The following PPP1R2 variants were observed in gnomAD, a reference collection of about 807,000 sequenced individuals.
PPP1R2 encodes the protein protein phosphatase 1 regulatory inhibitor subunit 2.
A neutral mutation model predicts 29.9 loss-of-function variants in PPP1R2; 16 were observed. That is an observed-to-expected ratio of 0.53 (90% confidence interval 0.36 to 0.81). PPP1R2 has a LOEUF of 0.81. Ranked by LOEUF, PPP1R2 falls within the 30% of genes least tolerant of loss-of-function variation. The probability of loss-of-function intolerance (pLI) is 0.00; values close to 1 mark genes in which losing one functional copy is unlikely to be tolerated. For synonymous variants in PPP1R2, 76 were observed against 91.5 expected (o/e 0.83, Z 0.96); for missense variants, 197 against 252.7 (o/e 0.78, Z 1.49).
At chr3:195,518,693 AT>A (rs1718643693) in intron 5 of PPP1R2, among the ~76,000 whole-genome samples, 1 of 152,156 alleles carries the variant, frequency 6.6e-6, no homozygotes, top group Admixed American at 6.5e-5. Flanking sequence ...TAAATTTTAG[AT>A]CGTTATGACA....
intron 1 of PPP1R2, among the ~76,000 whole-genome samples, chr3:195,542,205 T>C (rs371675509): frequency 1.6e-4 from 25 of 152,322 alleles, no homozygotes; most frequent in African/African-American, 5.3e-4. Context: ...CCGTAATTAA[T>C]ATTTCACCAG....
intron 1 of PPP1R2, among the ~76,000 whole-genome samples, chr3:195,534,085 C>T (rs985651252): frequency 6.6e-6 from 1 of 152,138 alleles, no homozygotes; most frequent in Non-Finnish European, 1.5e-5. Context: ...GAGGCTGAGG[C>T]AGGAGGATCT....
intron 1 of PPP1R2, among the ~76,000 whole-genome samples, chr3:195,532,075 G>A (rs1458698231): frequency 1.3e-5 from 2 of 152,034 alleles, no homozygotes; most frequent in Non-Finnish European, 1.5e-5. Flanking sequence ...TGTCACCCCA[G>A]GCTAGAGTAA....
Position 195,515,656 on chromosome 3 carries a change from G to A in PPP1R2, c.*1240C>T, listed in dbSNP as rs919229806. The stretch of plus-strand genomic sequence containing the variant: ...ACATTATCGTAGTCCCTTAAAGCAG[G>A]GACTATTTAACAATGTCCAGGCTTA... On this transcript the variant is annotated 3_prime_UTR_variant, in exon 6 of 6. Transcript: ENST00000618156. The A allele has an allele frequency of 2.6e-5, 4 of 151,838 alleles. No individual in the cohort carries two copies. The highest frequency in any genetic ancestry group is 9.7e-5 in the African/African-American group (4 of 41,332). The allele number at this position is 151,838 out of a possible 1,614,324, so 9.4% of individuals were successfully genotyped here. A position where few individuals can be genotyped will look rare whatever the true frequency, so the allele number is the denominator to read the frequency against.
At position 195,523,776 on chromosome 3, in the gene PPP1R2, C is replaced by G. The variant is rs371122086; in HGVS notation, c.319G>C (p.Ala107Pro). The change falls in exon 4 of 6, where the codon GCT becomes CCT. Residue 107 changes from alanine (A) to proline (P), a missense_variant. By Grantham distance (27) the Ala-to-Pro change is conservative (BLOSUM62 -1). Transcript: ENST00000618156. Reference sequence around the variant, plus strand: ...CGATACTTTGGCTCCAAGCCTTCAGCTGCAGCTAATCTATGCAACAATCAT... The same window carrying G: ...CGATACTTTGGCTCCAAGCCTTCAGGTGCAGCTAATCTATGCAACAATCAT... ...PDILARKLAA[A>P]EGLEPKYRIQ... The G allele has an allele frequency of 4.3e-6, 7 of 1,613,808 alleles. No individual in the cohort carries two copies. The African/African-American group carries it at 8.0e-5, about 18-fold the overall frequency.
intron 1 of PPP1R2, among the ~76,000 whole-genome samples, chr3:195,536,579 A>C (rs966890939): frequency 6.6e-6 from 1 of 152,082 alleles, no homozygotes; most frequent in African/African-American, 2.4e-5. Context: ...ACCTGAAGTC[A>C]GGAGTTCAAG....
At chr3:195,538,812 C>T (rs1266809271) in intron 1 of PPP1R2, among the ~76,000 whole-genome samples, 1 of 152,134 alleles carries the variant, frequency 6.6e-6, no homozygotes, top group Non-Finnish European at 1.5e-5. Context: ...GGGTAAGGCA[C>T]TGGGTTAAGC....
At chr3:195,522,434 G>C (rs79844829) in intron 4 of PPP1R2, among the ~76,000 whole-genome samples, 1 of 152,100 alleles carries the variant, frequency 6.6e-6, no homozygotes, top group Non-Finnish European at 1.5e-5. Flanking sequence ...TTAGTCAAAT[G>C]GCTCCCCCTG....
chr3:195,528,663 CTT>C (rs914161384), intron 2 of PPP1R2: 2 of 74,486 alleles, frequency 2.7e-5, no homozygotes, highest in Non-Finnish European at 5.4e-5. Flanking sequence ...TCTTGGAAAT[CTT>C]TTATTTTTTT....
In PPP1R2 at chr3:195,522,613, T is replaced by C. The variant is rs928292587; in HGVS notation, c.403+1079A>G. Among the ~76,000 whole-genome samples the C allele has an allele frequency of 3.4e-4, 52 of 152,210 alleles. 3 individuals carry two copies. The highest frequency in any genetic ancestry group is 1.5e-5 in the Non-Finnish European group (1 of 68,034). On this transcript the variant is annotated intron_variant, in intron 4 of 5. Coordinates refer to ENST00000618156, the MANE Select transcript of PPP1R2 (RefSeq NM_006241.8). ...CTTTTCAAGGATCTTTTGGGGTATA[T>C]TTTGGGAAAATAAATGGAAAGTCAC...
rs1719671181 is a variant in PPP1R2, at chr3:195,543,168, T to A, written c.-143A>T. 2 of 1,162,720 alleles carry A rather than the reference T, an allele frequency of 1.7e-6. No individual in the cohort carries two copies. The highest frequency in any genetic ancestry group is 3.3e-5 in the Admixed American group (1 of 30,520). The allele number at this position is 1,162,720 out of a possible 1,614,324, so 72.0% of individuals were successfully genotyped here. On this transcript the variant is annotated 5_prime_UTR_variant, in exon 1 of 6. Coordinates refer to ENST00000618156, the MANE Select transcript of PPP1R2 (RefSeq NM_006241.8). The stretch of plus-strand genomic sequence containing the variant: ...CCGCAACTGCTGCCTCGGAAACGGC[T>A]ACCGCAGCGGTTGTCACGACACAAC...
rs1292621684 is a variant in PPP1R2 at position 195,519,092 on chromosome 3, T to C, written c.497A>G (p.His166Arg). The C allele has an allele frequency of 2.5e-6, 4 of 1,609,822 alleles. No individual in the cohort carries two copies. Among genetic ancestry groups the C allele is most frequent in the African/African-American group, 1.3e-5 (1 of 74,940 alleles). ...LARQLISKDL[H>R]DDDEDEEMLE... ...CATTTCTTCATCTTCATCATCATCATGTAGGTCTTTTGAAATTAATTGTCT... is the reference window on the plus strand; with the variant it reads ...CATTTCTTCATCTTCATCATCATCACGTAGGTCTTTTGAAATTAATTGTCT... Residue 166 changes from histidine to arginine, a missense_variant, in exon 5 of 6, where the codon CAT becomes CGT. Physicochemically the swap from His to Arg is conservative, Grantham distance 29. Around this residue, in one of 3 missense-constraint regions of PPP1R2, gnomAD observed 135 missense variants for 163.0 expected, o/e 0.83. Transcript: ENST00000618156.
chr3:195,521,545 T>G (rs1718763746), intron 4 of PPP1R2, among the ~76,000 whole-genome samples: 1 of 152,196 alleles, frequency 6.6e-6, no homozygotes, highest in South Asian at 2.1e-4. Flanking sequence ...TATCAGCAAT[T>G]TTCAATGTTT....
chr3:195,543,260 T>C lies in PPP1R2; in HGVS notation c.-235A>G. On this transcript the variant is annotated 5_prime_UTR_variant, in exon 1 of 6. Transcript: ENST00000618156. ...TCGCGCACCCTTAGCCACTGGCACT[T>C]GACCCGCGGCTCGCGGAGAGACGCC... is the stretch of plus-strand genomic sequence containing the variant. 2.3e-6 allele frequency: 1 copy of C among 427,786 alleles called. No homozygotes were observed. Among genetic ancestry groups the C allele is most frequent in the Non-Finnish European group, 4.0e-6 (1 of 249,872 alleles). The allele number at this position is 427,786 out of a possible 1,614,324, so 26.5% of individuals were successfully genotyped here.
chr3:195,517,404 G>A (rs1177551543), intron 5 of PPP1R2, among the ~76,000 whole-genome samples: 5 of 152,038 alleles, frequency 3.3e-5, no homozygotes, highest in African/African-American at 1.2e-4. Flanking sequence ...TGAAAAGCTG[G>A]TAAAATGTTA....
chr3:195,518,513 T>C (rs549254167), intron 5 of PPP1R2, among the ~76,000 whole-genome samples: 1 of 151,686 alleles, frequency 6.6e-6, no homozygotes, highest in Non-Finnish European at 1.5e-5. Flanking sequence ...CAGCCAGGCG[T>C]GGTGGCAGGC....
chr3:195,533,075 G>A (rs1321524008), intron 1 of PPP1R2, among the ~76,000 whole-genome samples: 5 of 151,960 alleles, frequency 3.3e-5, no homozygotes, highest in Non-Finnish European at 5.9e-5. Context: ...TCTATGATGC[G>A]GCCAGGCACG....
chr3:195,537,041 A>G (rs860317), intron 1 of PPP1R2, among the ~76,000 whole-genome samples: 52,304 of 151,672 alleles, frequency 0.34, 9,365 homozygotes, highest in Non-Finnish European at 0.39. Context: ...TAAGCCATTC[A>G]TAATTTTGAT....
intron 4 of PPP1R2, 128 bp downstream of exon 4, chr3:195,523,564 A>G: frequency 1.4e-6 from 1 of 692,014 alleles, no homozygotes; most frequent in Non-Finnish European, 2.5e-6. Context: ...AATTATAAAG[A>G]TGTTGCTTTC....
Sources: allele counts gnomAD v4.1 joint callset (sites outside exome capture counted in the v4.1 genomes callset), GRCh38; gene constraint gnomAD v4.1.1; regional missense constraint gnomAD v4.1.1; transcripts MANE v1.5; gene names NCBI Gene and HGNC (gene_info 2026-07-23, HGNC 2026-07-21).